The following TULP3 variants were observed in gnomAD, a reference collection of about 807,000 sequenced individuals.
TULP3 encodes tubby-related protein 3.
A neutral mutation model predicts 50.7 loss-of-function variants in TULP3; 38 were observed. The ratio of observed to expected loss-of-function variants is 0.75; its 90% confidence interval spans 0.58 to 0.98. The LOEUF (loss-of-function observed/expected upper bound fraction) is 0.98. Ranked by LOEUF, TULP3 falls within the 50% of genes least tolerant of loss-of-function variation. The pLI, the probability that TULP3 is intolerant of heterozygous loss-of-function variation, is 0.00. For synonymous variants in TULP3, 183 were observed against 196.6 expected (o/e 0.93, Z 0.58); for missense variants, 550 against 568.0 (o/e 0.97, Z 0.32).
chr12:2,912,479 G>T (rs1479507493), intron 2 of TULP3, among the ~76,000 whole-genome samples: 1 of 152,170 alleles, frequency 6.6e-6, no homozygotes, highest in Non-Finnish European at 1.5e-5. Context: ...CAATGGAGGT[G>T]GCAGAGGCTG....
intron 2 of TULP3, among the ~76,000 whole-genome samples, chr12:2,916,733 T>TC (rs1173979447): frequency 6.6e-6 from 1 of 152,180 alleles, no homozygotes; most frequent in Non-Finnish European, 1.5e-5. Flanking sequence ...ACTTCTCTCC[T>TC]CCCCCATCCA....
In TULP3 at chr12:2,937,855, C is replaced by T. The variant is rs2098202369; in HGVS notation, c.1023+126C>T. The T allele has an allele frequency of 3.3e-6, 3 of 909,674 alleles. 1 individual carries two copies. The highest frequency in any genetic ancestry group is 4.9e-6 in the Non-Finnish European group (3 of 608,782). The allele number at this position is 909,674 out of a possible 1,614,324, so 56.4% of individuals were successfully genotyped here. On this transcript the variant is annotated intron_variant, in intron 9 of 10. Coordinates refer to ENST00000448120, the MANE Select transcript of TULP3 (RefSeq NM_003324.5). ...GCCCCACACTGGAGATAGCTCCATACACTTCTTTAGGAAAGCTGCCCCTCC... is the reference window on the plus strand; with the variant it reads ...GCCCCACACTGGAGATAGCTCCATATACTTCTTTAGGAAAGCTGCCCCTCC...
chr12:2,925,055 C>T (rs1211411061), intron 4 of TULP3, among the ~76,000 whole-genome samples: 3 of 151,926 alleles, frequency 2.0e-5, no homozygotes, highest in East Asian at 1.9e-4. Flanking sequence ...GTAGTCCCAG[C>T]TACTCGGGAG....
chr12:2,908,922 T>TGCCC (rs2098183914), intron 1 of TULP3, among the ~76,000 whole-genome samples: 1 of 152,224 alleles, frequency 6.6e-6, no homozygotes, highest in Non-Finnish European at 1.5e-5. Context: ...TGAGTAAGTT[T>TGCCC]AGTGAAATGC....
intron 1 of TULP3, among the ~76,000 whole-genome samples, chr12:2,908,436 CTGTT>C (rs1225004831): frequency 5.9e-5 from 9 of 151,400 alleles, no homozygotes; most frequent in African/African-American, 1.2e-4. Flanking sequence ...TTGTTTTTTT[CTGTT>C]TGTTTGTTTT....
Position 2,909,486 on chromosome 12 carries a change from T to C in TULP3, c.42-43T>C, listed in dbSNP as rs757130571. On this transcript the variant is annotated intron_variant, in intron 1 of 10. Coordinates refer to ENST00000448120, the MANE Select transcript of TULP3 (RefSeq NM_003324.5). ...ATAAAAAGATGAAATTGACAAGGCG[T>C]TTTCTTTTTATATACTTGCTTTATT... The C allele has an allele frequency of 7.7e-6, 12 of 1,551,984 alleles. No homozygotes were observed. The East Asian group carries it at 1.8e-4, about 24-fold the overall frequency.
intron 1 of TULP3, among the ~76,000 whole-genome samples, chr12:2,905,745 A>C (rs576438155): frequency 3.2e-4 from 48 of 152,118 alleles, no homozygotes; most frequent in Admixed American, 5.9e-4. Flanking sequence ...TGTCAGAGAC[A>C]CACCTGTTTT....
chr12:2,898,533 A>G (rs2098176921), intron 1 of TULP3, among the ~76,000 whole-genome samples: 1 of 152,188 alleles, frequency 6.6e-6, no homozygotes. Context: ...TCTCTGTCCC[A>G]GTTGCTCATT....
At chr12:2,931,344 C>T in intron 6 of TULP3, 104 bp downstream of exon 6, 1 of 1,061,704 alleles carries the variant, frequency 9.4e-7, no homozygotes, top group East Asian at 2.6e-5. Context: ...TAGACCAAGC[C>T]AGCTGGAAGT....
intron 7 of TULP3, among the ~76,000 whole-genome samples, 196 bp downstream of exon 7, chr12:2,933,726 G>C (rs533259399): frequency 1.3e-5 from 2 of 152,176 alleles, no homozygotes; most frequent in South Asian, 4.2e-4. Flanking sequence ...CAAGGCGGGC[G>C]GATCACTTGA....
intron 1 of TULP3, among the ~76,000 whole-genome samples, chr12:2,897,416 C>A (rs941824558): frequency 2.0e-5 from 3 of 152,148 alleles, no homozygotes; most frequent in African/African-American, 7.2e-5. Flanking sequence ...TTAGTCTTCT[C>A]ACTGAAGTGA....
intron 8 of TULP3, 101 bp from the exon 9 acceptor site, chr12:2,937,530 T>C (rs889579516): frequency 2.3e-6 from 2 of 867,470 alleles, no homozygotes; most frequent in Non-Finnish European, 1.9e-6. Flanking sequence ...CAGCTGATAT[T>C]GTCAGCATCT....
intron 1 of TULP3, among the ~76,000 whole-genome samples, chr12:2,896,162 A>T (rs1435095236): frequency 2.0e-5 from 3 of 150,766 alleles, no homozygotes; most frequent in African/African-American, 4.9e-5. Flanking sequence ...CTGGTCTTGA[A>T]CTCCTGACCT....
chr12:2,895,942 A>G (rs1432715530), intron 1 of TULP3, among the ~76,000 whole-genome samples: 1 of 112,570 alleles, frequency 8.9e-6, no homozygotes, highest in East Asian at 2.9e-4. Flanking sequence ...CAGTGAGAAT[A>G]CTTTTTTTTT....
chr12:2,935,942 C>G (rs2098200976), intron 8 of TULP3, among the ~76,000 whole-genome samples: 3 of 151,768 alleles, frequency 2.0e-5, no homozygotes, highest in African/African-American at 4.8e-5. Context: ...GCACTCTAGC[C>G]TGGGCGACAG....
At chr12:2,925,071 G>A (rs2098193952) in intron 4 of TULP3, among the ~76,000 whole-genome samples, 3 of 151,922 alleles carry the variant, frequency 2.0e-5, no homozygotes, top group Admixed American at 1.3e-4. Context: ...GGGAGGTTGA[G>A]GCACGAGAAT....
chr12:2,931,003 G>A, intron 5 of TULP3, 34 bp from the exon 6 acceptor site: 1 of 1,611,714 alleles, frequency 6.2e-7, no homozygotes, highest in Non-Finnish European at 8.5e-7. Flanking sequence ...TTGAGTCTCG[G>A]CCTGTTGTTG....
At chr12:2,935,825 C>T (rs978174562) in intron 8 of TULP3, among the ~76,000 whole-genome samples, 27 of 151,584 alleles carry the variant, frequency 1.8e-4, no homozygotes, top group Admixed American at 4.6e-4. Flanking sequence ...AAAAATTAGC[C>T]GGGCATGGTG....
intron 9 of TULP3, 67 bp downstream of exon 9, chr12:2,937,796 A>T: frequency 8.7e-7 from 1 of 1,151,812 alleles, no homozygotes; most frequent in Non-Finnish European, 1.2e-6. Context: ...ACAGAGATTA[A>T]TACAAAAAAA....
Sources: allele counts gnomAD v4.1 joint callset (sites outside exome capture counted in the v4.1 genomes callset), GRCh38; gene constraint gnomAD v4.1.1; transcripts MANE v1.5; gene names NCBI Gene and HGNC (gene_info 2026-07-23, HGNC 2026-07-21).